The following CAMK1D variants were observed in gnomAD, a reference collection of about 807,000 sequenced individuals.
CAMK1D encodes the protein calcium/calmodulin dependent protein kinase ID.
A neutral mutation model predicts 47.7 loss-of-function variants in CAMK1D; 9 were observed. The observed-to-expected ratio is 0.19, with a 90% CI of 0.11 to 0.33. The LOEUF (loss-of-function observed/expected upper bound fraction) is 0.33, where lower values mean the gene tolerates loss of function less well. Ranked by LOEUF, CAMK1D falls within the 10% of genes least tolerant of loss-of-function variation. The probability of loss-of-function intolerance (pLI) is 1.00; values close to 1 mark genes in which losing one functional copy is unlikely to be tolerated. For synonymous variants in CAMK1D, 184 were observed against 184.9 expected (o/e 0.99, Z 0.04); for missense variants, 291 against 488.7 (o/e 0.60, Z 3.81).
At chr10:12,631,859 T>G (rs1358886901) in intron 2 of CAMK1D, among the ~76,000 whole-genome samples, 1 of 152,154 alleles carries the variant, frequency 6.6e-6, no homozygotes, top group Non-Finnish European at 1.5e-5. Flanking sequence ...GGAAAGCACT[T>G]TCCACTACCT....
intron 2 of CAMK1D, among the ~76,000 whole-genome samples, chr10:12,578,441 A>G (rs899279198): frequency 1.3e-5 from 2 of 151,766 alleles, no homozygotes; most frequent in African/African-American, 4.8e-5. Context: ...GTGGTGGTGC[A>G]TCCCTGTAAT....
chr10:12,449,058 A>G (rs1008256760), intron 1 of CAMK1D, among the ~76,000 whole-genome samples: 1 of 152,188 alleles, frequency 6.6e-6, no homozygotes, highest in Admixed American at 6.5e-5. Flanking sequence ...TTCTATCCAG[A>G]TTCTATTACG....
chr10:12,475,199 G>A (rs920234870), intron 1 of CAMK1D, among the ~76,000 whole-genome samples: 12 of 152,028 alleles, frequency 7.9e-5, no homozygotes, highest in Non-Finnish European at 1.2e-4. Context: ...ACATTATTGC[G>A]CAACCATCAC....
intron 5 of CAMK1D, among the ~76,000 whole-genome samples, chr10:12,781,972 GTTTTT>G (rs58759372): frequency 3.7e-4 from 48 of 128,628 alleles, no homozygotes; most frequent in East Asian, 8.6e-4. Flanking sequence ...TAATTTAATT[GTTTTT>G]TTTTTTTTTT....
intron 1 of CAMK1D, among the ~76,000 whole-genome samples, chr10:12,425,814 C>T (rs2131977981): frequency 6.6e-6 from 1 of 152,308 alleles, no homozygotes. Context: ...AGTGGGATTC[C>T]TCCCAAATAA....
At chr10:12,700,039 C>G (rs1252097888) in intron 3 of CAMK1D, among the ~76,000 whole-genome samples, 4 of 151,888 alleles carry the variant, frequency 2.6e-5, no homozygotes, top group African/African-American at 4.8e-5. Context: ...TTTCGTAATA[C>G]TCATTTTCCA....
At chr10:12,716,418 GA>G (rs1292734057) in intron 3 of CAMK1D, among the ~76,000 whole-genome samples, 1 of 152,172 alleles carries the variant, frequency 6.6e-6, no homozygotes, top group Admixed American at 6.5e-5. Flanking sequence ...GACTTTGCCA[GA>G]AAAATTTGCA....
intron 2 of CAMK1D, among the ~76,000 whole-genome samples, chr10:12,665,046 T>C (rs566844812): frequency 5.1e-4 from 77 of 152,358 alleles, no homozygotes; most frequent in African/African-American, 1.7e-3. Flanking sequence ...CTTGGTAGTC[T>C]CAAGTTAAGC....
At chr10:12,665,947 A>G (rs147635916) in intron 2 of CAMK1D, among the ~76,000 whole-genome samples, 1 of 152,356 alleles carries the variant, frequency 6.6e-6, no homozygotes, top group East Asian at 1.9e-4. Context: ...CTAACACAGT[A>G]TTTCTCAAGC....
At chr10:12,614,378 CTATA>C (rs1838718859) in intron 2 of CAMK1D, among the ~76,000 whole-genome samples, 1 of 152,298 alleles carries the variant, frequency 6.6e-6, no homozygotes, top group African/African-American at 2.4e-5. Flanking sequence ...TGGATTGACA[CTATA>C]TACACATTTA....
chr10:12,522,550 A>C (rs1416915294), intron 1 of CAMK1D, among the ~76,000 whole-genome samples: 2 of 152,026 alleles, frequency 1.3e-5, no homozygotes, highest in Admixed American at 6.5e-5. Context: ...AAGGCAGAAG[A>C]ATCTTTCTTA....
At chr10:12,389,343 G>C (rs1296466299) in intron 1 of CAMK1D, among the ~76,000 whole-genome samples, 1 of 152,156 alleles carries the variant, frequency 6.6e-6, no homozygotes, top group Non-Finnish European at 1.5e-5. Flanking sequence ...GGCTCTTTGG[G>C]ACATCAAGGA....
intron 1 of CAMK1D, among the ~76,000 whole-genome samples, chr10:12,449,397 C>T (rs1833015425): frequency 1.3e-5 from 2 of 151,906 alleles, no homozygotes; most frequent in East Asian, 3.9e-4. Context: ...ACCAGCTCGT[C>T]CACTAACCAG....
intron 8 of CAMK1D, among the ~76,000 whole-genome samples, chr10:12,817,487 T>G (rs779659615): frequency 1.3e-5 from 2 of 152,206 alleles, no homozygotes; most frequent in Non-Finnish European, 2.9e-5. Context: ...GCCACTAATT[T>G]AGAAACCAGC....
intron 1 of CAMK1D, among the ~76,000 whole-genome samples, chr10:12,437,198 G>GTCTA (rs1052327655): frequency 3.3e-5 from 5 of 151,942 alleles, no homozygotes; most frequent in African/African-American, 1.2e-4. Flanking sequence ...CTGTCTGTCT[G>GTCTA]TCTATGTAAT....
intron 1 of CAMK1D, among the ~76,000 whole-genome samples, chr10:12,426,389 G>A (rs1840229855): frequency 6.6e-6 from 1 of 152,156 alleles, no homozygotes; most frequent in South Asian, 2.1e-4. Context: ...TGGGATTACA[G>A]GCATGCGCCA....
chr10:12,755,185 G>T (rs1836172478), intron 3 of CAMK1D, among the ~76,000 whole-genome samples: 1 of 152,182 alleles, frequency 6.6e-6, no homozygotes, highest in Admixed American at 6.6e-5. Context: ...GAGGGGAGAG[G>T]TTGCATGAAA....
chr10:12,802,729 C>T (rs1296629992), intron 6 of CAMK1D, among the ~76,000 whole-genome samples: 4 of 152,168 alleles, frequency 2.6e-5, no homozygotes, highest in Non-Finnish European at 5.9e-5. Context: ...ACCATGTTGG[C>T]CAGGCTGGTC....
intron 1 of CAMK1D, among the ~76,000 whole-genome samples, chr10:12,402,964 A>G (rs990892003): frequency 1.3e-5 from 2 of 151,956 alleles, no homozygotes; most frequent in African/African-American, 2.4e-5. Context: ...AATAAGATAC[A>G]TCATTCTGGC....
Sources: gnomAD v4.1 joint callset for allele counts (sites outside exome capture counted in the v4.1 genomes callset) on GRCh38, gnomAD v4.1.1 for gene constraint, MANE v1.5 for transcripts, NCBI Gene and HGNC (gene_info 2026-07-23, HGNC 2026-07-21) for gene names.